The following MAST4 variants were observed in gnomAD, a reference collection of about 807,000 sequenced individuals.
MAST4 encodes microtubule-associated serine/threonine-protein kinase 4.
Under a neutral mutation model 162.7 loss-of-function variants are expected in MAST4, and 89 were observed. The observed-to-expected ratio is 0.55, with a 90% CI of 0.46 to 0.65. MAST4 has a LOEUF of 0.65. Ranked by LOEUF, MAST4 falls within the 30% of genes least tolerant of loss-of-function variation. The probability of loss-of-function intolerance (pLI) is 0.00; values close to 1 mark genes in which losing one functional copy is unlikely to be tolerated. For synonymous variants in MAST4, 1,479 were observed against 1,361.1 expected (o/e 1.09, Z -1.91); for missense variants, 3,153 against 3,374.0 (o/e 0.93, Z 1.62).
In MAST4 at chr5:67,166,550, G is replaced by A; in HGVS notation, c.7371G>A (p.Lys2457=). The change falls in exon 29 of 29, where the codon AAG becomes AAA. Residue 2457 remains lysine, a synonymous_variant. Coordinates refer to ENST00000403625, the MANE Select transcript of MAST4 (RefSeq NM_001164664.2). ...TCCGATCCACGGCCCTCCCGGAAAA[G>A]TCTCTGAGCTGCTCCTCCAGCTTCC... is the stretch of plus-strand genomic sequence containing the variant. ...SSFRSTALPE[K]SLSCSSSFPE... 6.2e-7 allele frequency: 1 copy of A among 1,607,438 alleles called. No homozygotes were observed. The highest frequency in any genetic ancestry group is 8.5e-7 in the Non-Finnish European group (1 of 1,177,092).
chr5:67,019,948 G>A (rs1753775094), intron 4 of MAST4, among the ~76,000 whole-genome samples: 1 of 152,192 alleles, frequency 6.6e-6, no homozygotes, highest in Non-Finnish European at 1.5e-5. Flanking sequence ...AAACAACAGA[G>A]ATGGTCTGGG....
intron 22 of MAST4, 86 bp from the exon 23 acceptor site, chr5:67,145,058 C>T (rs941834404): frequency 1.8e-5 from 22 of 1,217,578 alleles, no homozygotes; most frequent in South Asian, 1.6e-4. Flanking sequence ...TATCCAAGTC[C>T]GATTTTCACC....
intron 4 of MAST4, among the ~76,000 whole-genome samples, chr5:66,950,054 C>A (rs1744484263): frequency 6.6e-6 from 1 of 152,052 alleles, no homozygotes; most frequent in Non-Finnish European, 1.5e-5. Flanking sequence ...GGAAACAGAA[C>A]ATGATTCTTG....
intron 3 of MAST4, among the ~76,000 whole-genome samples, chr5:66,881,408 A>G (rs1306107537): frequency 6.6e-6 from 1 of 152,198 alleles, no homozygotes; most frequent in African/African-American, 2.4e-5. Flanking sequence ...TGTGACCAAA[A>G]ACATCTGAGA....
At chr5:66,928,284 C>T (rs1271409583) in intron 4 of MAST4, among the ~76,000 whole-genome samples, 1 of 152,184 alleles carries the variant, frequency 6.6e-6, no homozygotes, top group Non-Finnish European at 1.5e-5. Flanking sequence ...TGGAATGTCT[C>T]CTCTTTTCTT....
chr5:66,837,884 ATATATATATATTTTTTTTT>A lies in MAST4; in HGVS notation c.642+49092_642+49110del, dbSNP rs1183445207. On this transcript the variant is annotated intron_variant, in intron 3 of 28. Coordinates refer to ENST00000403625, the MANE Select transcript of MAST4 (RefSeq NM_001164664.2). ...TGATTTTATATATATATATATATAT[ATATATATATATTTTTTTTT>A]TTTTTTTTTTTTTTAATGTGGAGGT... is the stretch of plus-strand genomic sequence containing the variant. 3.1e-4 allele frequency among the ~76,000 whole-genome samples: 24 copies of A among 77,490 alleles called. 1 individual carries two copies. Among genetic ancestry groups the A allele is most frequent in the South Asian group, 8.5e-4 (2 of 2,356 alleles). The allele number at this position is 77,490 out of a possible 152,430, so 50.8% of individuals were successfully genotyped here.
At chr5:67,117,224 C>T (rs560968852) in intron 12 of MAST4, among the ~76,000 whole-genome samples, 1 of 152,256 alleles carries the variant, frequency 6.6e-6, no homozygotes, top group East Asian at 1.9e-4. Context: ...ACCTCCAAGT[C>T]CATAAATCTA....
intron 1 of MAST4, among the ~76,000 whole-genome samples, chr5:66,652,446 A>G (rs1054075810): frequency 3.3e-5 from 5 of 152,220 alleles, no homozygotes; most frequent in African/African-American, 1.2e-4. Flanking sequence ...TATTTATTTT[A>G]TTGCAACTTG....
intron 5 of MAST4, among the ~76,000 whole-genome samples, chr5:67,078,764 AAAT>A (rs1418559245): frequency 2.3e-5 from 3 of 130,230 alleles, no homozygotes; most frequent in African/African-American, 8.6e-5. Context: ...ATATTTATCT[AAAT>A]ATATATATTT....
intron 4 of MAST4, among the ~76,000 whole-genome samples, chr5:67,020,145 A>G (rs539183933): frequency 3.2e-4 from 48 of 152,320 alleles, no homozygotes; most frequent in African/African-American, 1.1e-3. Flanking sequence ...CTCAAGTGGC[A>G]ATTCAGATCA....
At chr5:66,837,574 G>A (rs1302405789) in intron 3 of MAST4, among the ~76,000 whole-genome samples, 1 of 151,916 alleles carries the variant, frequency 6.6e-6, no homozygotes, top group Non-Finnish European at 1.5e-5. Flanking sequence ...TTTGGTGCAT[G>A]TCTCTAACCC....
chr5:66,856,907 G>A (rs948467182), intron 3 of MAST4, among the ~76,000 whole-genome samples: 5 of 152,144 alleles, frequency 3.3e-5, no homozygotes, highest in Admixed American at 3.3e-4. Context: ...CATAGAGAAT[G>A]ATATAACAAA....
At chr5:67,074,933 A>G (rs1455729854) in intron 5 of MAST4, among the ~76,000 whole-genome samples, 1 of 152,104 alleles carries the variant, frequency 6.6e-6, no homozygotes, top group Non-Finnish European at 1.5e-5. Flanking sequence ...TCATGTGCAT[A>G]TTGCTTTCAC....
intron 3 of MAST4, among the ~76,000 whole-genome samples, chr5:66,796,869 G>A (rs1755677488): frequency 6.6e-6 from 1 of 152,184 alleles, no homozygotes; most frequent in Non-Finnish European, 1.5e-5. Flanking sequence ...ACCAAGGACA[G>A]TGCCTGGTCT....
chr5:66,791,254 C>T (rs1755391005), intron 3 of MAST4, among the ~76,000 whole-genome samples: 1 of 152,234 alleles, frequency 6.6e-6, no homozygotes, highest in Non-Finnish European at 1.5e-5. Flanking sequence ...GGACTCCTGA[C>T]CTCAGGTGAT....
chr5:67,042,044 C>G lies in MAST4; in HGVS notation c.675-12360C>G, dbSNP rs549022343. Among the ~76,000 whole-genome samples the G allele has an allele frequency of 1.4e-4, 22 of 152,328 alleles. No homozygotes were observed. The South Asian group carries it at 1.5e-3, about 10-fold the overall frequency. The stretch of plus-strand genomic sequence containing the variant: ...TCCTTGTATTTCATGGCTGCATTCT[C>G]TTAAGAAACTGAGTCCATTTAATTT... On this transcript the variant is annotated intron_variant, in intron 4 of 28. Coordinates refer to ENST00000403625, the MANE Select transcript of MAST4 (RefSeq NM_001164664.2).
chr5:66,825,261 G>GACACACACACACACACAC (rs56076405), intron 3 of MAST4, among the ~76,000 whole-genome samples: 1 of 135,552 alleles, frequency 7.4e-6, no homozygotes, highest in African/African-American at 2.8e-5. Flanking sequence ...TAAAAACTAA[G>GACACACACACACACACAC]ACACACACAC....
At chr5:67,154,561 C>T (rs1280472752) in intron 26 of MAST4, among the ~76,000 whole-genome samples, 1 of 152,210 alleles carries the variant, frequency 6.6e-6, no homozygotes, top group African/African-American at 2.4e-5. Context: ...GGTCTCTTAG[C>T]AGACTCAGAT....
chr5:66,723,915 C>G (rs555150076), intron 1 of MAST4, among the ~76,000 whole-genome samples: 1 of 152,234 alleles, frequency 6.6e-6, no homozygotes, highest in East Asian at 1.9e-4. Flanking sequence ...TTACGTCAGG[C>G]AGATTCTCCC....
Sources: gnomAD v4.1 joint callset for allele counts (sites outside exome capture counted in the v4.1 genomes callset) on GRCh38, gnomAD v4.1.1 for gene constraint, MANE v1.5 for transcripts, NCBI Gene and HGNC (gene_info 2026-07-23, HGNC 2026-07-21) for gene names.